The following GLO1 variants were observed in gnomAD, a reference collection of about 807,000 sequenced individuals.
GLO1 encodes lactoylglutathione lyase.
A neutral mutation model predicts 26.0 loss-of-function variants in GLO1; 28 were observed. The ratio of observed to expected loss-of-function variants is 1.08; its 90% CI spans 0.80 to 1.48. The LOEUF (loss-of-function observed/expected upper bound fraction) is 1.48. GLO1 is among the 40% of genes most tolerant of loss of function. The pLI is 0.00. For missense variants in GLO1, 225 were observed against 224.8 expected, an observed-to-expected ratio of 1.00 and a Z score of -0.01; for synonymous variants, 78 against 77.6, an observed-to-expected ratio of 1.00 and a Z score of -0.03.
At chr6:38,679,793 C>CAA (rs58819710) in intron 5 of GLO1, among the ~76,000 whole-genome samples, 5 of 124,690 alleles carry the variant, frequency 4.0e-5, no homozygotes, top group African/African-American at 1.2e-4. Context: ...GACTCTGTCT[C>CAA]AAAAAAAAAA....
chr6:38,684,295 A>G lies in GLO1; in HGVS notation c.308+79T>C, dbSNP rs561532518. ...AGATCTGGTTTGAATTATACTGGTCAGTAAACAAAACAAAAAAGATTTTTA... is the reference window on the plus strand; with the variant it reads ...AGATCTGGTTTGAATTATACTGGTCGGTAAACAAAACAAAAAAGATTTTTA... On this transcript the variant is annotated intron_variant, in intron 3 of 5. Coordinates refer to ENST00000373365, the MANE Select transcript of GLO1 (RefSeq NM_006708.3). 2,083 of 602,408 alleles carry G rather than the reference A, an allele frequency of 3.5e-3. 9 individuals carry two copies. Among genetic ancestry groups the G allele is most frequent in the Non-Finnish European group, 3.9e-3 (1,619 of 413,642 alleles). The allele number at this position is 602,408 out of a possible 1,614,324, so 37.3% of individuals were successfully genotyped here.
intron 1 of GLO1, among the ~76,000 whole-genome samples, chr6:38,689,503 A>C (rs1761503359): frequency 6.6e-6 from 1 of 152,226 alleles, no homozygotes; most frequent in Admixed American, 6.5e-5. Flanking sequence ...AAATCCATAT[A>C]TCTTAGGCAC....
intron 5 of GLO1, among the ~76,000 whole-genome samples, chr6:38,679,266 A>G (rs1761328683): frequency 6.6e-6 from 1 of 152,000 alleles, no homozygotes; most frequent in Non-Finnish European, 1.5e-5. Context: ...CATACAGACT[A>G]CAGGCATGTG....
intron 1 of GLO1, among the ~76,000 whole-genome samples, chr6:38,689,608 T>C (rs369556278): frequency 5.9e-5 from 9 of 152,294 alleles, no homozygotes; most frequent in South Asian, 4.1e-4. Context: ...ATCCTTATCT[T>C]ACAATCTTTC....
intron 3 of GLO1, 36 bp from the exon 4 acceptor site, chr6:38,682,911 A>C (rs758474301): frequency 3.4e-6 from 4 of 1,171,218 alleles, no homozygotes; most frequent in Non-Finnish European, 5.2e-6. Context: ...ACAATGTCCT[A>C]GGGAATAGAT....
chr6:38,698,592 G>A (rs896486483), intron 1 of GLO1, among the ~76,000 whole-genome samples: 2 of 150,076 alleles, frequency 1.3e-5, no homozygotes, highest in African/African-American at 4.9e-5. Flanking sequence ...CTGTATTAGT[G>A]GAGACAGATA....
Position 38,677,129 on chromosome 6 carries a change from G to A in GLO1, c.*166C>T. The A allele has an allele frequency of 3.2e-6, 2 of 632,070 alleles. No individual in the cohort carries two copies. The highest frequency in any genetic ancestry group is 5.6e-6 in the Non-Finnish European group (2 of 357,140). The allele number at this position is 632,070 out of a possible 1,614,324, so 39.2% of individuals were successfully genotyped here. Reference sequence around the variant, plus strand: ...GCACTGCTTGAAAACCAGAATGACTGAACAGTTAGGTGAAAAGGAACAGCT... The same window carrying A: ...GCACTGCTTGAAAACCAGAATGACTAAACAGTTAGGTGAAAAGGAACAGCT... On this transcript the variant is annotated 3_prime_UTR_variant, in exon 6 of 6. Coordinates refer to ENST00000373365, the MANE Select transcript of GLO1 (RefSeq NM_006708.3).
intron 5 of GLO1, among the ~76,000 whole-genome samples, chr6:38,677,643 T>C (rs1761278262): frequency 6.6e-6 from 1 of 152,112 alleles, no homozygotes; most frequent in Non-Finnish European, 1.5e-5. Flanking sequence ...ATCAAACTCC[T>C]GGCCTCAAGC....
chr6:38,687,092 A>G, intron 1 of GLO1, 118 bp from the exon 2 acceptor site: 3 of 1,466,926 alleles, frequency 2.0e-6, no homozygotes, highest in Non-Finnish European at 1.8e-6. Context: ...ACAACTTGCA[A>G]GGGCTCTCTG....
At chr6:38,695,954 G>A (rs1326916490) in intron 1 of GLO1, among the ~76,000 whole-genome samples, 1 of 152,062 alleles carries the variant, frequency 6.6e-6, no homozygotes, top group Admixed American at 6.5e-5. Context: ...TTGCCTTGTT[G>A]TTCCTAGGGT....
chr6:38,701,925 T>G (rs1761706066), intron 1 of GLO1, among the ~76,000 whole-genome samples: 2 of 149,694 alleles, frequency 1.3e-5, no homozygotes, highest in South Asian at 4.2e-4. Flanking sequence ...TTACTGTGCC[T>G]GAATTTTTTT....
At chr6:38,690,752 G>T (rs1049427242) in intron 1 of GLO1, among the ~76,000 whole-genome samples, 3 of 152,104 alleles carry the variant, frequency 2.0e-5, no homozygotes, top group Admixed American at 6.5e-5. Flanking sequence ...TATATTCAAC[G>T]TTAGTGAATT....
intron 1 of GLO1, among the ~76,000 whole-genome samples, chr6:38,700,708 C>T (rs1033034919): frequency 6.6e-6 from 1 of 152,008 alleles, no homozygotes; most frequent in African/African-American, 2.4e-5. Flanking sequence ...TCCCAGTATC[C>T]CCAAAGTACT....
At chr6:38,683,427 A>T (rs988831665) in intron 3 of GLO1, among the ~76,000 whole-genome samples, 3 of 152,242 alleles carry the variant, frequency 2.0e-5, no homozygotes, top group African/African-American at 7.2e-5. Flanking sequence ...TGGTTTGAAG[A>T]ATTTTTAAAG....
intron 1 of GLO1, among the ~76,000 whole-genome samples, chr6:38,702,589 C>T (rs1761720917): frequency 6.6e-6 from 1 of 152,150 alleles, no homozygotes; most frequent in Admixed American, 6.5e-5. Flanking sequence ...TAAGGAAAAA[C>T]GAGGCTGGGC....
chr6:38,684,777 T>C (rs1490532090), intron 2 of GLO1, among the ~76,000 whole-genome samples: 1 of 152,232 alleles, frequency 6.6e-6, no homozygotes, highest in Non-Finnish European at 1.5e-5. Context: ...ATTATGGTAC[T>C]TGTTAATAAA....
At chr6:38,693,023 G>C (rs1379783120) in intron 1 of GLO1, among the ~76,000 whole-genome samples, 1 of 151,974 alleles carries the variant, frequency 6.6e-6, no homozygotes, top group Non-Finnish European at 1.5e-5. Flanking sequence ...TTTGGTATCA[G>C]GGTAATATTA....
intron 4 of GLO1, among the ~76,000 whole-genome samples, chr6:38,682,432 T>C (rs1046054387): frequency 6.6e-6 from 1 of 152,198 alleles, no homozygotes; most frequent in Non-Finnish European, 1.5e-5. Context: ...TGGCATTGAC[T>C]ATAGCAGCCA....
chr6:38,686,342 CAAAT>C (rs1761460039), intron 2 of GLO1, among the ~76,000 whole-genome samples: 1 of 151,960 alleles, frequency 6.6e-6, no homozygotes, highest in Non-Finnish European at 1.5e-5. Flanking sequence ...CTTAGGGAAA[CAAAT>C]CAACAATATG....
Sources: allele counts gnomAD v4.1 joint callset (sites outside exome capture counted in the v4.1 genomes callset), GRCh38; gene constraint gnomAD v4.1.1; transcripts MANE v1.5; gene names NCBI Gene and HGNC (gene_info 2026-07-23, HGNC 2026-07-21).